Variants in NEK1 observed in about 807,000 individuals in gnomAD.
The protein encoded by NEK1 is serine/threonine-protein kinase Nek1.
In NEK1, 137 loss-of-function variants were observed where a neutral mutation model predicts 182.1. The ratio of observed to expected loss-of-function variants is 0.75; its 90% CI spans 0.65 to 0.87. The LOEUF (loss-of-function observed/expected upper bound fraction) is 0.87. Among genes scored for constraint, NEK1 ranks in the 40% least tolerant of loss-of-function variants. NEK1 has a pLI of 0.00. For synonymous variants in NEK1, 513 were observed against 492.2 expected (o/e 1.04, Z -0.56); for missense variants, 1,391 against 1,494.4 (o/e 0.93, Z 1.14).
chr4:169,497,886 T>C (rs1374898416), intron 23 of NEK1, among the ~76,000 whole-genome samples: 1 of 152,220 alleles, frequency 6.6e-6, no homozygotes, highest in Non-Finnish European at 1.5e-5. Context: ...ATTCTGTTGA[T>C]TTGGGGTGGA....
chr4:169,581,550 C>T (rs1023827405), intron 10 of NEK1, among the ~76,000 whole-genome samples: 1 of 152,106 alleles, frequency 6.6e-6, no homozygotes, highest in Non-Finnish European at 1.5e-5. Flanking sequence ...GTTCCAAAGT[C>T]CTGGGATTAA....
At chr4:169,598,004 G>A (rs1769851792) in intron 5 of NEK1, among the ~76,000 whole-genome samples, 1 of 152,034 alleles carries the variant, frequency 6.6e-6, no homozygotes, top group South Asian at 2.1e-4. Flanking sequence ...GTGTCTTAAT[G>A]TATATATGTA....
Position 169,612,359 on chromosome 4 carries a change from G to A in NEK1, c.-310C>T, listed in dbSNP as rs1275630799. 2.0e-5 allele frequency: 3 copies of A among 152,316 alleles called. No homozygotes were observed. The highest frequency in any genetic ancestry group is 6.5e-5 in the Admixed American group (1 of 15,286). The allele number at this position is 152,316 out of a possible 1,614,324, so 9.4% of individuals were successfully genotyped here. A position where few individuals can be genotyped will look rare whatever the true frequency, so the allele number is the denominator to read the frequency against. ...CCGTAGAAACGGCGGGGTGCAGCAG[G>A]GGGAGTGCCTCCGTTACCGCCTCTC... On this transcript the variant is annotated 5_prime_UTR_variant, in exon 1 of 36. Transcript: ENST00000507142.
intron 31 of NEK1, among the ~76,000 whole-genome samples, chr4:169,418,947 T>A (rs923745045): frequency 2.6e-5 from 4 of 152,130 alleles, no homozygotes; most frequent in Non-Finnish European, 5.9e-5. Flanking sequence ...ATATACAGCA[T>A]TGGTCCCATA....
chr4:169,466,508 A>T (rs886155792), intron 26 of NEK1, among the ~76,000 whole-genome samples: 2 of 152,114 alleles, frequency 1.3e-5, no homozygotes, highest in African/African-American at 4.8e-5. Context: ...GTGGAGCAGC[A>T]TCATTAAAGT....
chr4:169,440,498 C>A (rs181431311), intron 27 of NEK1, among the ~76,000 whole-genome samples: 1 of 152,262 alleles, frequency 6.6e-6, no homozygotes, highest in East Asian at 1.9e-4. Flanking sequence ...TGACCACAGA[C>A]ACCTGGCACT....
intron 5 of NEK1, among the ~76,000 whole-genome samples, chr4:169,591,255 C>G (rs990052455): frequency 6.6e-6 from 1 of 151,766 alleles, no homozygotes; most frequent in Non-Finnish European, 1.5e-5. Flanking sequence ...AAATGATCCT[C>G]CAGCCTCAGC....
intron 2 of NEK1, among the ~76,000 whole-genome samples, chr4:169,607,521 G>T (rs1771555981): frequency 1.3e-5 from 2 of 151,844 alleles, no homozygotes; most frequent in Non-Finnish European, 2.9e-5. Flanking sequence ...GGAGTGCAGT[G>T]GCGCAGTCTT....
chr4:169,602,162 T>C (rs796089664), intron 3 of NEK1, 58 bp from the exon 4 acceptor site: 3 of 1,201,708 alleles, frequency 2.5e-6, no homozygotes, highest in Non-Finnish European at 2.5e-6. Context: ...AACCTAAAAG[T>C]CCATCAATAG....
At chr4:169,547,092 G>A (rs754834936) in intron 18 of NEK1, among the ~76,000 whole-genome samples, 1 of 152,160 alleles carries the variant, frequency 6.6e-6, no homozygotes, top group Admixed American at 6.5e-5. Context: ...ATTCTGATAT[G>A]CTTTTGCAGT....
At chr4:169,574,513 G>A (rs1249960956) in intron 12 of NEK1, among the ~76,000 whole-genome samples, 2 of 151,982 alleles carry the variant, frequency 1.3e-5, no homozygotes, top group Non-Finnish European at 1.5e-5. Flanking sequence ...AGGCTGAGGC[G>A]GGAGAATGGC....
intron 23 of NEK1, among the ~76,000 whole-genome samples, chr4:169,485,662 G>T (rs938457631): frequency 7.2e-5 from 11 of 152,072 alleles, no homozygotes; most frequent in Admixed American, 6.5e-4. Flanking sequence ...AACAAAGAAT[G>T]ACCCAATTTT....
intron 12 of NEK1, among the ~76,000 whole-genome samples, chr4:169,566,576 CAA>C (rs1373973753): frequency 2.0e-5 from 3 of 151,386 alleles, no homozygotes; most frequent in Admixed American, 6.6e-5. Flanking sequence ...GGAACTGGAG[CAA>C]AAAAAAGTCT....
At chr4:169,541,331 T>C (rs1759374849) in intron 18 of NEK1, among the ~76,000 whole-genome samples, 1 of 152,192 alleles carries the variant, frequency 6.6e-6, no homozygotes, top group Non-Finnish European at 1.5e-5. Context: ...GGTGGCACTC[T>C]GTAATTTATT....
chr4:169,477,372 A>G lies in NEK1; in HGVS notation c.2206-20T>C, dbSNP rs748600923. 1.1e-5 allele frequency: 17 copies of G among 1,550,680 alleles called. No individual in the cohort carries two copies. The highest frequency in any genetic ancestry group is 5.5e-5 in the African/African-American group (4 of 72,274). ...CTTACTCTGAAAGTCACGACATTAT[A>G]TATTTTAATATGTATATCATTAAGT... On this transcript the variant is annotated intron_variant, in intron 25 of 35. Coordinates refer to ENST00000507142, the MANE Select transcript of NEK1 (RefSeq NM_001199397.3).
chr4:169,587,593 C>T lies in NEK1; in HGVS notation c.572G>A (p.Cys191Tyr). The T allele has an allele frequency of 3.9e-6, 6 of 1,548,670 alleles. No individual in the cohort carries two copies. Among genetic ancestry groups the T allele is most frequent in the Non-Finnish European group, 5.2e-6 (6 of 1,143,028 alleles). The change falls in exon 9 of 36, where the codon TGT becomes TAT. Residue 191 changes from cysteine to tyrosine, a missense_variant. By Grantham distance (194) the Cys-to-Tyr change is radical (BLOSUM62 -2). Coordinates refer to ENST00000507142, the MANE Select transcript of NEK1 (RefSeq NM_001199397.3). The stretch of plus-strand genomic sequence containing the variant: ...AAGTGTACACAGCTCATAAAGGACA[C>T]ACCCCAGAGCCCAAATGTCACTGGA... ...NNKSDIWALGCVLYELCTLKH... is the reference protein window; with the variant it reads ...NNKSDIWALGYVLYELCTLKH...
At chr4:169,610,470 C>T (rs1050415927) in intron 2 of NEK1, among the ~76,000 whole-genome samples, 1 of 151,976 alleles carries the variant, frequency 6.6e-6, no homozygotes, top group African/African-American at 2.4e-5. Flanking sequence ...CGCACCACCA[C>T]GCCCGTCTAA....
chr4:169,561,424 A>G, intron 16 of NEK1, 56 bp downstream of exon 16: 1 of 1,439,652 alleles, frequency 6.9e-7, no homozygotes, highest in South Asian at 1.2e-5. Flanking sequence ...TTTATAGAAC[A>G]AGGTGGAACT....
chr4:169,472,453 T>G, intron 26 of NEK1, among the ~76,000 whole-genome samples: 1 of 152,204 alleles, frequency 6.6e-6, no homozygotes, highest in East Asian at 1.9e-4. Context: ...GCTCTCCCTC[T>G]GTGGGCTGCA....
Sources: allele counts gnomAD v4.1 joint callset (sites outside exome capture counted in the v4.1 genomes callset), GRCh38; gene constraint gnomAD v4.1.1; transcripts MANE v1.5; gene names NCBI Gene and HGNC (gene_info 2026-07-23, HGNC 2026-07-21).